Variants in PSAT1 observed in about 807,000 individuals in gnomAD.
PSAT1 encodes the protein phosphoserine aminotransferase.
PSAT1 carries 41 observed loss-of-function variants against 40.3 expected under a neutral mutation model. The ratio of observed to expected loss-of-function variants is 1.02; its 90% CI spans 0.79 to 1.32. PSAT1 has a LOEUF of 1.32. Among genes scored for constraint, PSAT1 ranks in the 40% most tolerant of loss-of-function variants. The pLI is 0.00. For synonymous variants in PSAT1, 147 were observed against 170.5 expected (o/e 0.86, Z 1.07); for missense variants, 406 against 455.8 (o/e 0.89, Z 0.99).
At chr9:78,325,739 C>A (rs949728134) in intron 7 of PSAT1, among the ~76,000 whole-genome samples, 4 of 152,188 alleles carry the variant, frequency 2.6e-5, no homozygotes, top group Non-Finnish European at 5.9e-5. Context: ...TTTCTCCCCC[C>A]AGCCCCATAC....
intron 7 of PSAT1, among the ~76,000 whole-genome samples, chr9:78,326,955 A>ATATATATATATATATATATATATT: frequency 1.3e-5 from 1 of 75,964 alleles, no homozygotes; most frequent in African/African-American, 9.5e-5. Flanking sequence ...ATATATATAT[A>ATATATATATATATATATATATATT]TTTTTTTTTT....
Position 78,329,346 on chromosome 9 carries a change from C to T in PSAT1, c.*260C>T, listed in dbSNP as rs1484933240. 5 of 465,036 alleles carry T rather than the reference C, an allele frequency of 1.1e-5. No homozygotes were observed. Among genetic ancestry groups the T allele is most frequent in the African/African-American group, 9.9e-5 (5 of 50,616 alleles). 28.8% of individuals were successfully genotyped at this position (465,036 alleles called of 1,614,324 possible). A position where few individuals can be genotyped will look rare whatever the true frequency, so the allele number is the denominator to read the frequency against. On this transcript the variant is annotated 3_prime_UTR_variant, in exon 9 of 9. Coordinates refer to ENST00000376588, the MANE Select transcript of PSAT1 (RefSeq NM_058179.4). ...TTCTAACAAATTCCCGCGTATTTTG[C>T]CTTTGCTGCTACTTTTTCTAGTTAG...
intron 5 of PSAT1, among the ~76,000 whole-genome samples, chr9:78,306,888 C>T (rs556475295): frequency 2.0e-5 from 3 of 152,246 alleles, no homozygotes; most frequent in Admixed American, 1.3e-4. Context: ...AACAGGATAC[C>T]GTTTTATGAG....
chr9:78,322,463 CCTCTG>C (rs1421053657), intron 7 of PSAT1, among the ~76,000 whole-genome samples: 1 of 152,146 alleles, frequency 6.6e-6, no homozygotes, highest in African/African-American at 2.4e-5. Flanking sequence ...CATTCCAGAA[CCTCTG>C]CTGCTGTCTA....
chr9:78,297,265 C>T lies in PSAT1; in HGVS notation c.55C>T (p.His19Tyr), dbSNP rs1057515669. The change falls in exon 1 of 9, where the codon CAC (histidine) becomes TAC (tyrosine). Residue 19 changes from histidine (H) to tyrosine (Y), a missense_variant. Transcript: ENST00000376588. ...NFGPGPAKLP[H>Y]SVLLEIQKEL... ...TGGGCCTGGTCCCGCCAAGCTGCCG[C>T]ACTCAGTAAGTCCCCGCGAGCGGGC... is the stretch of plus-strand genomic sequence containing the variant. The T allele has an allele frequency of 6.2e-7, 1 of 1,601,064 alleles. No individual in the cohort carries two copies.
chr9:78,302,098 T>TAC, intron 3 of PSAT1, 75 bp downstream of exon 3: 2 of 1,016,508 alleles, frequency 2.0e-6, no homozygotes, highest in Non-Finnish European at 3.1e-6. Flanking sequence ...CAGTATTTTC[T>TAC]ACACTCTATT....
intron 1 of PSAT1, among the ~76,000 whole-genome samples, chr9:78,300,059 A>G (rs146077881): frequency 7.0e-4 from 106 of 152,192 alleles, no homozygotes; most frequent in African/African-American, 2.1e-3. Context: ...AGTGTAATGA[A>G]CCTCCAAGGA....
intron 7 of PSAT1, among the ~76,000 whole-genome samples, chr9:78,319,260 G>A (rs1419349456): frequency 6.6e-6 from 1 of 152,222 alleles, no homozygotes; most frequent in Non-Finnish European, 1.5e-5. Flanking sequence ...GGCAGTGCTG[G>A]TGTACTTTTT....
At chr9:78,321,927 G>A (rs1828435048) in intron 7 of PSAT1, among the ~76,000 whole-genome samples, 1 of 152,048 alleles carries the variant, frequency 6.6e-6, no homozygotes, top group Non-Finnish European at 1.5e-5. Flanking sequence ...TATAATATAA[G>A]GATTGAGAGC....
chr9:78,300,037 A>G (rs894123470), intron 1 of PSAT1, among the ~76,000 whole-genome samples: 3 of 152,218 alleles, frequency 2.0e-5, no homozygotes, highest in African/African-American at 7.2e-5. Flanking sequence ...TCACATACAC[A>G]AAGATAAAAG....
In PSAT1 at chr9:78,308,062, C is replaced by T. The variant is rs532031837; in HGVS notation, c.571-352C>T. On this transcript the variant is annotated intron_variant, in intron 5 of 8. Transcript: ENST00000376588. The stretch of plus-strand genomic sequence containing the variant: ...TCAAAAGAAAAAAAAAATGTTTCTT[C>T]TCTTGGTAACCAGGGAGAGTTAGAG... Among the ~76,000 whole-genome samples, 528 of 152,140 alleles carry T rather than the reference C, an allele frequency of 3.5e-3. 3 individuals carry two copies. Among genetic ancestry groups the T allele is most frequent in the Non-Finnish European group, 6.3e-3 (425 of 67,968 alleles).
intron 7 of PSAT1, among the ~76,000 whole-genome samples, chr9:78,319,892 T>A (rs2118687863): frequency 6.6e-6 from 1 of 152,230 alleles, no homozygotes; most frequent in South Asian, 2.1e-4. Context: ...TCCGTGGAAG[T>A]GTGTGAGGGC....
At chr9:78,301,371 C>G (rs956341787) in intron 2 of PSAT1, among the ~76,000 whole-genome samples, 3 of 152,072 alleles carry the variant, frequency 2.0e-5, no homozygotes, top group Non-Finnish European at 4.4e-5. Context: ...AGTACATAAG[C>G]CTTTTATGAA....
chr9:78,325,175 A>G (rs1828478989), intron 7 of PSAT1, among the ~76,000 whole-genome samples: 1 of 152,062 alleles, frequency 6.6e-6, no homozygotes, highest in South Asian at 2.1e-4. Context: ...GTTCCCATGT[A>G]GCTTCCTAAA....
chr9:78,309,857 T>G (rs1828241080), intron 6 of PSAT1, among the ~76,000 whole-genome samples: 1 of 152,250 alleles, frequency 6.6e-6, no homozygotes, highest in East Asian at 1.9e-4. Context: ...GAGAGTCTAG[T>G]ATTTACTAGC....
chr9:78,321,658 A>G (rs1828431344), intron 7 of PSAT1, among the ~76,000 whole-genome samples: 1 of 152,130 alleles, frequency 6.6e-6, no homozygotes, highest in Non-Finnish European at 1.5e-5. Context: ...GGACTAGATA[A>G]GACAACCATC....
chr9:78,326,994 T>C (rs1190546304), intron 7 of PSAT1, among the ~76,000 whole-genome samples: 1 of 142,946 alleles, frequency 7.0e-6, no homozygotes, highest in Non-Finnish European at 1.5e-5. Context: ...CTTGCTCTGT[T>C]GCCCAGGCTA....
chr9:78,307,675 C>T (rs1011251495), intron 5 of PSAT1, among the ~76,000 whole-genome samples: 1 of 152,186 alleles, frequency 6.6e-6, no homozygotes, highest in African/African-American at 2.4e-5. Context: ...TTGTCCCATC[C>T]CTTCTCTTTG....
chr9:78,304,180 G>A (rs1387738300), intron 3 of PSAT1, among the ~76,000 whole-genome samples: 2 of 152,186 alleles, frequency 1.3e-5, no homozygotes, highest in African/African-American at 4.8e-5. Flanking sequence ...AAATGCAGGA[G>A]AATTTAGGTG....
Sources: gnomAD v4.1 joint callset for allele counts (sites outside exome capture counted in the v4.1 genomes callset) on GRCh38, gnomAD v4.1.1 for gene constraint, MANE v1.5 for transcripts, NCBI Gene and HGNC (gene_info 2026-07-23, HGNC 2026-07-21) for gene names.